The following SMOX variants were observed in gnomAD, a reference collection of about 807,000 sequenced individuals.
SMOX encodes flavin containing amine oxidase.
In SMOX, 22 loss-of-function variants were observed where a neutral mutation model predicts 51.0. That is an observed-to-expected ratio of 0.43 (90% CI 0.31 to 0.62). The LOEUF (loss-of-function observed/expected upper bound fraction) is 0.62. Among genes scored for constraint, SMOX ranks in the 20% least tolerant of loss-of-function variants. The probability of loss-of-function intolerance (pLI) is 0.10; values close to 1 mark genes in which losing one functional copy is unlikely to be tolerated. For synonymous variants in SMOX, 282 were observed against 307.8 expected, an observed-to-expected ratio of 0.92 and a Z score of 0.88; for missense variants, 566 against 777.7, an observed-to-expected ratio of 0.73 and a Z score of 3.24.
At chr20:4,176,043 C>G (rs1235005519) in intron 2 of SMOX, 1 of 124,940 alleles carries the variant, frequency 8.0e-6, no homozygotes, top group Non-Finnish European at 1.6e-5. Flanking sequence ...TTTTTTGAGA[C>G]AGAGTCTCAC....
intron 3 of SMOX, among the ~76,000 whole-genome samples, chr20:4,178,417 TC>T (rs1292208526): frequency 1.3e-5 from 2 of 152,246 alleles, no homozygotes; most frequent in African/African-American, 2.4e-5. Flanking sequence ...TTTATTTTTT[TC>T]TTGCCTTATT....
Position 4,167,054 on chromosome 20 carries a change from G to A in SMOX, c.-26-7976G>A, listed in dbSNP as rs1986599065. Among the ~76,000 whole-genome samples the A allele has an allele frequency of 6.6e-6, 1 of 152,224 alleles. No individual in the cohort carries two copies. The highest frequency in any genetic ancestry group is 1.5e-5 in the Non-Finnish European group (1 of 68,034). ...GGGCTCTGCTGAAAGAGGCTCCCAA[G>A]CTTTTCCCTTTCATGAGCTTGGAGC... On this transcript the variant is annotated intron_variant, in intron 1 of 6. Transcript: ENST00000305958. This position sits in a 1 kb window ranked among gnomAD's most constrained non-coding sequence, Gnocchi z 4.8.
At chr20:4,164,092 A>G (rs1986450057) in intron 1 of SMOX, among the ~76,000 whole-genome samples, 1 of 152,082 alleles carries the variant, frequency 6.6e-6, no homozygotes, top group Non-Finnish European at 1.5e-5. Context: ...CAAGTAGGAT[A>G]GTGGGGTGAC....
At chr20:4,155,861 T>A (rs539903196) in intron 1 of SMOX, among the ~76,000 whole-genome samples, 26 of 152,112 alleles carry the variant, frequency 1.7e-4, no homozygotes, top group African/African-American at 6.0e-4. Flanking sequence ...AAGGTTCCAC[T>A]GCCCTGGGCA....
intron 1 of SMOX, among the ~76,000 whole-genome samples, chr20:4,156,932 G>A (rs6076624): frequency 0.24 from 36,639 of 151,960 alleles, 5,572 homozygotes; most frequent in Non-Finnish European, 0.32. Context: ...TAGTAGAGGT[G>A]GGGTTTCACC....
chr20:4,187,578 G>T lies in SMOX; in HGVS notation c.*171G>T. On this transcript the variant is annotated 3_prime_UTR_variant, in exon 7 of 7. Transcript: ENST00000305958. This position sits in a 1 kb window ranked among gnomAD's most constrained non-coding sequence, Gnocchi z 4.8. ...CCCTGTAGCTTTTCTTTTTCTCCAG[G>T]CTGGGCCGTGAGCAGGTGGGCCGTT... 3 of 980,682 alleles carry T rather than the reference G, an allele frequency of 3.1e-6. No homozygotes were observed. Among genetic ancestry groups the T allele is most frequent in the South Asian group, 1.9e-5 (1 of 53,062 alleles). 60.7% of individuals were successfully genotyped at this position (980,682 alleles called of 1,614,324 possible).
intron 6 of SMOX, among the ~76,000 whole-genome samples, chr20:4,184,490 A>G (rs1314927904): frequency 1.8e-5 from 2 of 110,264 alleles, no homozygotes; most frequent in African/African-American, 7.6e-5. Flanking sequence ...CAATATGCCA[A>G]CTGTACACTA....
At position 4,166,188 on chromosome 20, in the gene SMOX, AG is replaced by A. The variant is rs939750973; in HGVS notation, c.-26-8840del. On this transcript the variant is annotated intron_variant, in intron 1 of 6. Coordinates refer to ENST00000305958, the MANE Select transcript of SMOX (RefSeq NM_175839.3). This position sits in a 1 kb window ranked among gnomAD's most constrained non-coding sequence, Gnocchi z 4.2. The stretch of plus-strand genomic sequence containing the variant: ...TGATCGAGTTGCTAATTTTTGCTGA[AG>A]GTGGGACCTATAGGGTGAGGCTTGG... 6.8e-6 allele frequency among the ~76,000 whole-genome samples: 1 copy of A among 147,420 alleles called. No individual in the cohort carries two copies. Among genetic ancestry groups the A allele is most frequent in the African/African-American group, 2.5e-5 (1 of 39,958 alleles).
intron 1 of SMOX, among the ~76,000 whole-genome samples, chr20:4,165,309 C>T (rs990696096): frequency 6.6e-6 from 1 of 152,146 alleles, no homozygotes; most frequent in Non-Finnish European, 1.5e-5. Flanking sequence ...CCGCCTTGGC[C>T]TCCCAAAGTG....
chr20:4,148,830 A>G lies in SMOX; in HGVS notation c.-174A>G, dbSNP rs1985568888. The stretch of plus-strand genomic sequence containing the variant: ...GACGCGAGGCGGAGCGGGGCCCCAC[A>G]CAGGCCGCGGCGGCTGGCTCGGGCC... On this transcript the variant is annotated 5_prime_UTR_variant, in exon 1 of 7. Transcript: ENST00000305958. 6.6e-6 allele frequency: 1 copy of G among 152,234 alleles called. No individual in the cohort carries two copies. Among genetic ancestry groups the G allele is most frequent in the Non-Finnish European group, 1.5e-5 (1 of 68,296 alleles). The allele number at this position is 152,234 out of a possible 1,614,324, so 9.4% of individuals were successfully genotyped here.
chr20:4,183,363 G>A lies in SMOX; in HGVS notation c.1370-131G>A, dbSNP rs374275820. The stretch of plus-strand genomic sequence containing the variant: ...CTCCCTCCTTCCTCTTCTATCCTCC[G>A]TGCCTACCCCTGGCAGTCTGGTCCT... On this transcript the variant is annotated intron_variant, in intron 5 of 6. Transcript: ENST00000305958. The surrounding 1 kb of genome is among the most constrained non-coding windows in gnomAD (Gnocchi z 4.3). 5 of 1,352,840 alleles carry A rather than the reference G, an allele frequency of 3.7e-6. No individual in the cohort carries two copies. The highest frequency in any genetic ancestry group is 1.4e-5 in the African/African-American group (1 of 69,852). 83.8% of individuals were successfully genotyped at this position (1,352,840 alleles called of 1,614,324 possible). A position where few individuals can be genotyped will look rare whatever the true frequency, so the allele number is the denominator to read the frequency against.
At position 4,172,591 on chromosome 20, in the gene SMOX, G is replaced by T. The variant is rs1000799654; in HGVS notation, c.-26-2439G>T. Among the ~76,000 whole-genome samples the T allele has an allele frequency of 1.9e-4, 29 of 152,182 alleles. No homozygotes were observed. Among genetic ancestry groups the T allele is most frequent in the African/African-American group, 7.0e-4 (29 of 41,518 alleles). ...AGGAGGAAAGGGCCGGAGCCGCCCTGCTCCCGGCGTGGCCTCATCCCCAGC... is the reference window on the plus strand; with the variant it reads ...AGGAGGAAAGGGCCGGAGCCGCCCTTCTCCCGGCGTGGCCTCATCCCCAGC... On this transcript the variant is annotated intron_variant, in intron 1 of 6. Transcript: ENST00000305958. The surrounding 1 kb of genome is among the most constrained non-coding windows in gnomAD (Gnocchi z 7.7).
Position 4,172,337 on chromosome 20 carries a change from C to G in SMOX, c.-26-2693C>G, listed in dbSNP as rs1262146691. ...GTGTTTACCGACCTGACGCAGCGTCCCGGCCCGGCTGGCAGACATCCGGCG... is the reference window on the plus strand; with the variant it reads ...GTGTTTACCGACCTGACGCAGCGTCGCGGCCCGGCTGGCAGACATCCGGCG... On this transcript the variant is annotated intron_variant, in intron 1 of 6. Transcript: ENST00000305958. This position sits in a 1 kb window ranked among gnomAD's most constrained non-coding sequence, Gnocchi z 7.7. 1.3e-5 allele frequency among the ~76,000 whole-genome samples: 2 copies of G among 152,174 alleles called. No individual in the cohort carries two copies. Among genetic ancestry groups the G allele is most frequent in the Admixed American group, 1.3e-4 (2 of 15,286 alleles).
At chr20:4,174,278 G>A (rs1343407781) in intron 1 of SMOX, among the ~76,000 whole-genome samples, 1 of 152,222 alleles carries the variant, frequency 6.6e-6, no homozygotes, top group Admixed American at 6.5e-5. Context: ...GGCAAAGGAG[G>A]GAGAGCAGAG....
rs753037435 is a variant in SMOX at position 4,187,262 on chromosome 20, C to A, written c.1531-8C>A. The stretch of plus-strand genomic sequence containing the variant: ...CTCCACCCTGACCTCCCCATCCCCG[C>A]CCCGCAGCCCATGCAGGTGCTGTTT... On this transcript the variant is annotated splice_region_variant and splice_polypyrimidine_tract_variant and intron_variant, in intron 6 of 6. Transcript: ENST00000305958. The surrounding 1 kb of genome is among the most constrained non-coding windows in gnomAD (Gnocchi z 4.8). 7.4e-6 allele frequency: 12 copies of A among 1,610,984 alleles called. No individual in the cohort carries two copies. The highest frequency in any genetic ancestry group is 1.3e-5 in the African/African-American group (1 of 74,898).
rs542292827 is a variant in SMOX, at chr20:4,163,022, G to A, written c.-26-12008G>A. On this transcript the variant is annotated intron_variant, in intron 1 of 6. Transcript: ENST00000305958. Reference sequence around the variant, plus strand: ...AGGGCTTTGGGAGCTGGGCAGCAGCGGGGTGGAGGGAGACCCAAGCCTAAG... The same window carrying A: ...AGGGCTTTGGGAGCTGGGCAGCAGCAGGGTGGAGGGAGACCCAAGCCTAAG... 8.5e-5 allele frequency among the ~76,000 whole-genome samples: 13 copies of A among 152,316 alleles called. No individual in the cohort carries two copies. In the East Asian group the frequency reaches 1.2e-3, roughly 14 times the overall value.
intron 1 of SMOX, among the ~76,000 whole-genome samples, chr20:4,162,772 G>A (rs547489350): frequency 1.4e-3 from 220 of 152,322 alleles, no homozygotes; most frequent in African/African-American, 5.0e-3. Context: ...CCCATTTTGC[G>A]GATGAGGAAA....
At position 4,182,298 on chromosome 20, in the gene SMOX, C is replaced by T. The variant is rs138684299; in HGVS notation, c.819C>T (p.Pro273=). ...ACTGGGACCAGGCCTCAGCCCGCCC[C>T]AGAGGCCCTGAGATTGAGCCCCGGG... ...CIHWDQASAR[P]RGPEIEPRGE... Residue 273 remains proline (P), a synonymous_variant, in exon 5 of 7, where the codon CCC becomes CCT. Coordinates refer to ENST00000305958, the MANE Select transcript of SMOX (RefSeq NM_175839.3). The surrounding 1 kb of genome is among the most constrained non-coding windows in gnomAD (Gnocchi z 8.4). 13 of 1,606,232 alleles carry T rather than the reference C, an allele frequency of 8.1e-6. No individual in the cohort carries two copies. The Admixed American group carries it at 1.2e-4, about 15-fold the overall frequency.
At position 4,149,721 on chromosome 20, in the gene SMOX, G is replaced by T. The variant is rs938465223; in HGVS notation, c.-27+744G>T. On this transcript the variant is annotated intron_variant, in intron 1 of 6. Coordinates refer to ENST00000305958, the MANE Select transcript of SMOX (RefSeq NM_175839.3). The surrounding 1 kb of genome is among the most constrained non-coding windows in gnomAD (Gnocchi z 6.0). ...CAGTTGAGGGGCCCGCGGAGCTTGC[G>T]CCAGGGGGACTTGGCCCGATGAGAT... Among the ~76,000 whole-genome samples, 1 of 152,176 alleles carries T rather than the reference G, an allele frequency of 6.6e-6. No individual in the cohort carries two copies. The highest frequency in any genetic ancestry group is 1.5e-5 in the Non-Finnish European group (1 of 68,010).
Sources: gnomAD v4.1 joint callset for allele counts (sites outside exome capture counted in the v4.1 genomes callset) on GRCh38, gnomAD v4.1.1 for gene constraint, Gnocchi (gnomAD v3.1) non-coding constraint, MANE v1.5 for transcripts, NCBI Gene and HGNC (gene_info 2026-07-23, HGNC 2026-07-21) for gene names.